The following PRKCB variants were observed in gnomAD, a reference collection of about 807,000 sequenced individuals.
PRKCB encodes protein kinase C beta type.
In PRKCB, 13 loss-of-function variants were observed where a neutral mutation model predicts 81.5. The observed-to-expected ratio is 0.16, with a 90% CI of 0.10 to 0.25. The LOEUF (loss-of-function observed/expected upper bound fraction) is 0.25, where lower values mean the gene tolerates loss of function less well. Ranked by LOEUF, PRKCB falls within the 10% of genes least tolerant of loss-of-function variation. The pLI is 1.00. For synonymous variants in PRKCB, 335 were observed against 321.4 expected (o/e 1.04, Z -0.45); for missense variants, 509 against 875.7 (o/e 0.58, Z 5.29).
In PRKCB at chr16:24,216,222, A is replaced by G. The variant is rs1596604340; in HGVS notation, c.*1406A>G. ...GGGTGGGATGACCTGGCCAGAGCCA[A>G]CGAGGATACTGGAGCCCAAAGTCAA... On this transcript the variant is annotated 3_prime_UTR_variant, in exon 17 of 17. Transcript: ENST00000643927. The G allele has an allele frequency of 2.0e-6, 2 of 985,458 alleles. No homozygotes were observed. The highest frequency in any genetic ancestry group is 2.4e-6 in the Non-Finnish European group (2 of 829,950). The allele number at this position is 985,458 out of a possible 1,614,324, so 61.0% of individuals were successfully genotyped here.
intron 2 of PRKCB, among the ~76,000 whole-genome samples, chr16:23,934,348 C>T (rs1227416447): frequency 1.4e-5 from 2 of 143,088 alleles, no homozygotes; most frequent in African/African-American, 5.2e-5. Context: ...ACATTAAAAG[C>T]TCTAGTTTTC....
intron 3 of PRKCB, among the ~76,000 whole-genome samples, chr16:24,016,516 C>T (rs1486799286): frequency 6.6e-6 from 1 of 151,984 alleles, no homozygotes; most frequent in Non-Finnish European, 1.5e-5. Context: ...ATACCCTTTG[C>T]CAAGAATGTC....
At chr16:24,020,020 A>G (rs1454781743) in intron 3 of PRKCB, among the ~76,000 whole-genome samples, 1 of 152,204 alleles carries the variant, frequency 6.6e-6, no homozygotes, top group Non-Finnish European at 1.5e-5. Flanking sequence ...GTGAAAGGTG[A>G]AAAGAATTTG....
intron 3 of PRKCB, among the ~76,000 whole-genome samples, chr16:23,991,262 G>A (rs1964882744): frequency 6.6e-6 from 1 of 152,218 alleles, no homozygotes; most frequent in Admixed American, 6.5e-5. Flanking sequence ...CTTGGAAAAT[G>A]TGGTAATTGA....
chr16:23,900,022 T>G (rs578176734), intron 2 of PRKCB, among the ~76,000 whole-genome samples: 2 of 152,224 alleles, frequency 1.3e-5, no homozygotes, highest in South Asian at 4.2e-4. Flanking sequence ...TTAGGACCCA[T>G]AATTTAACTC....
At chr16:24,051,570 A>G (rs1026436543) in intron 5 of PRKCB, among the ~76,000 whole-genome samples, 38 of 152,150 alleles carry the variant, frequency 2.5e-4, no homozygotes, top group Admixed American at 1.1e-3. Context: ...GAGACACCAA[A>G]GCATCAGAAA....
chr16:24,060,559 G>T (rs1398548699), intron 5 of PRKCB, among the ~76,000 whole-genome samples: 1 of 152,178 alleles, frequency 6.6e-6, no homozygotes, highest in Non-Finnish European at 1.5e-5. Flanking sequence ...AGGCACTCCT[G>T]CCCCAAGCCA....
chr16:23,884,768 T>C (rs74572166), intron 2 of PRKCB, among the ~76,000 whole-genome samples: 4,429 of 152,290 alleles, frequency 0.029, 106 homozygotes, highest in South Asian at 0.064. Context: ...CTCAAACTCC[T>C]GGACTCAAGC....
rs546965172 is a variant in PRKCB at position 23,941,572 on chromosome 16, C to A, written c.206-46936C>A. On this transcript the variant is annotated intron_variant, in intron 2 of 16. Transcript: ENST00000643927. ...GAACAATGCATCATGATCAAGGAAG[C>A]TTCATTCTAGAAATACATTATGATT... Among the ~76,000 whole-genome samples, 13 of 152,250 alleles carry A rather than the reference C, an allele frequency of 8.5e-5. No individual in the cohort carries two copies. In the East Asian group the frequency reaches 2.1e-3, roughly 25 times the overall value.
intron 4 of PRKCB, among the ~76,000 whole-genome samples, chr16:24,035,056 G>C (rs1965596323): frequency 6.6e-6 from 1 of 152,214 alleles, no homozygotes; most frequent in East Asian, 1.9e-4. Flanking sequence ...GCTTGGCCAA[G>C]TCCCTGCCAC....
At chr16:24,200,958 C>T (rs1181813172) in intron 16 of PRKCB, among the ~76,000 whole-genome samples, 1 of 151,902 alleles carries the variant, frequency 6.6e-6, no homozygotes, top group African/African-American at 2.4e-5. Flanking sequence ...GGTCCATGGC[C>T]CAGGGATTGG....
At chr16:23,840,730 T>C (rs1962249583) in intron 2 of PRKCB, among the ~76,000 whole-genome samples, 2 of 152,150 alleles carry the variant, frequency 1.3e-5, no homozygotes, top group African/African-American at 2.4e-5. Context: ...GTCATGGAAA[T>C]TGGGGACACT....
intron 9 of PRKCB, among the ~76,000 whole-genome samples, chr16:24,131,141 A>T (rs1392246492): frequency 6.6e-6 from 1 of 152,262 alleles, no homozygotes; most frequent in Non-Finnish European, 1.5e-5. Flanking sequence ...TCAGCAGCTT[A>T]TGAAATTAAA....
At chr16:23,952,047 G>A (rs2141779814) in intron 2 of PRKCB, among the ~76,000 whole-genome samples, 1 of 152,238 alleles carries the variant, frequency 6.6e-6, no homozygotes, top group African/African-American at 2.4e-5. Flanking sequence ...TGCAAAGCTG[G>A]GCACAGAGTT....
chr16:24,079,413 A>G (rs1966221394), intron 5 of PRKCB, among the ~76,000 whole-genome samples: 1 of 152,222 alleles, frequency 6.6e-6, no homozygotes, highest in Non-Finnish European at 1.5e-5. Flanking sequence ...TTTGTTAAGA[A>G]TTAGGTGCAC....
intron 2 of PRKCB, among the ~76,000 whole-genome samples, chr16:23,887,382 G>T (rs1396019671): frequency 6.6e-6 from 1 of 152,082 alleles, no homozygotes; most frequent in Non-Finnish European, 1.5e-5. Context: ...AGTGTCTGTT[G>T]TTTCCATATT....
intron 9 of PRKCB, chr16:24,151,818 T>A (rs1377540498): frequency 2.2e-6 from 1 of 455,958 alleles, no homozygotes; most frequent in South Asian, 1.5e-5. Flanking sequence ...AGCAAGTTAA[T>A]CTCCCTGAGC....
chr16:23,989,210 C>T (rs540237493), intron 3 of PRKCB, among the ~76,000 whole-genome samples: 4 of 152,200 alleles, frequency 2.6e-5, no homozygotes, highest in South Asian at 2.1e-4. Context: ...CGTGATCCGC[C>T]GCCTCGGCCT....
chr16:23,897,756 ATATCT>A (rs1432013717), intron 2 of PRKCB, among the ~76,000 whole-genome samples: 6 of 152,106 alleles, frequency 3.9e-5, no homozygotes, highest in Admixed American at 3.9e-4. Context: ...AACACTCTAT[ATATCT>A]TTAAAGTTAA....
Sources: gnomAD v4.1 joint callset for allele counts (sites outside exome capture counted in the v4.1 genomes callset) on GRCh38, gnomAD v4.1.1 for gene constraint, MANE v1.5 for transcripts, NCBI Gene and HGNC (gene_info 2026-07-23, HGNC 2026-07-21) for gene names.